KCND3: variants seen among roughly 807,000 people sequenced by gnomAD.
The protein encoded by KCND3 is A-type voltage-gated potassium channel KCND3.
In KCND3, 9 loss-of-function variants were observed where a neutral mutation model predicts 51.1. That is an observed-to-expected ratio of 0.18 (90% CI 0.11 to 0.31). KCND3 has a LOEUF of 0.31. KCND3 is among the 10% of genes least tolerant of loss of function. KCND3 has a pLI of 1.00. For synonymous variants in KCND3, 349 were observed against 368.0 expected, an observed-to-expected ratio of 0.95 and a Z score of 0.59; for missense variants, 526 against 903.8, an observed-to-expected ratio of 0.58 and a Z score of 5.36.
intron 1 of KCND3, among the ~76,000 whole-genome samples, chr1:111,987,664 A>T (rs1223985823): frequency 6.6e-6 from 1 of 152,204 alleles, no homozygotes; most frequent in East Asian, 1.9e-4. Context: ...ACAGGAGCCA[A>T]CACCTTCCGG....
chr1:111,947,004 C>G (rs903309648), intron 2 of KCND3, among the ~76,000 whole-genome samples: 1 of 152,092 alleles, frequency 6.6e-6, no homozygotes, highest in East Asian at 1.9e-4. Flanking sequence ...GTCTGAGTAT[C>G]CTTTAAGGTG....
chr1:111,829,955 A>G (rs1052401122), intron 2 of KCND3, among the ~76,000 whole-genome samples: 1 of 150,936 alleles, frequency 6.6e-6, no homozygotes, highest in Non-Finnish European at 1.5e-5. Context: ...GTTCTCGCCT[A>G]CTCCATTTCT....
rs147949523 is a variant in KCND3, at chr1:111,772,166, T to A, written c.*3911A>T. The A allele has an allele frequency of 1.2e-4, 19 of 152,344 alleles. No individual in the cohort carries two copies. The East Asian group carries it at 3.5e-3, about 28-fold the overall frequency. The allele number at this position is 152,344 out of a possible 1,614,324, so 9.4% of individuals were successfully genotyped here. ...CCCCTCTCTGAATCAAGGATTTAGC[T>A]ACTTTACCTACTACCATCACAGACT... On this transcript the variant is annotated 3_prime_UTR_variant, in exon 8 of 8. Coordinates refer to ENST00000302127, the MANE Select transcript of KCND3 (RefSeq NM_001378969.1).
At chr1:111,837,776 C>A (rs901646603) in intron 2 of KCND3, among the ~76,000 whole-genome samples, 3 of 152,136 alleles carry the variant, frequency 2.0e-5, no homozygotes, top group East Asian at 1.9e-4. Context: ...GATGCCCCCC[C>A]TCGAAAAACA....
chr1:111,793,945 G>A (rs1381497885), intron 2 of KCND3, among the ~76,000 whole-genome samples: 3 of 152,202 alleles, frequency 2.0e-5, no homozygotes, highest in Non-Finnish European at 4.4e-5. Context: ...GGGATAGTAA[G>A]GGACGAGAAA....
In KCND3 at chr1:111,894,244, C is replaced by T. The variant is rs534763639; in HGVS notation, c.1106+87377G>A. ...ACGGCCTCCCTCCTTCTCTCAAACA[C>T]GCCAGGCTCATTCCCATTATGAGGC... is the stretch of plus-strand genomic sequence containing the variant. On this transcript the variant is annotated intron_variant, in intron 2 of 7. Transcript: ENST00000302127. Among the ~76,000 whole-genome samples the T allele has an allele frequency of 1.8e-4, 27 of 152,294 alleles. No individual in the cohort carries two copies. In the South Asian group the frequency reaches 3.1e-3, roughly 18 times the overall value.
rs184017654 is a variant in KCND3 at position 111,982,013 on chromosome 1, G to A, written c.714C>T (p.Thr238=). The change falls in exon 2 of 8, where the codon ACC becomes ACT. Residue 238 remains threonine, a synonymous_variant. Coordinates refer to ENST00000302127, the MANE Select transcript of KCND3 (RefSeq NM_001378969.1). The surrounding 1 kb of genome is among the most constrained non-coding windows in gnomAD (Gnocchi z 8.5). ...CLDTACVMIF[T]VEYLLRLFAA... is the part of the protein sequence containing the mutation. ...CGAAGAGCCGCAGGAGGTACTCCAC[G>A]GTGAAGATCATGACGCACGCCGTGT... 5 of 1,613,890 alleles carry A rather than the reference G, an allele frequency of 3.1e-6. No individual in the cohort carries two copies. The highest frequency in any genetic ancestry group is 1.3e-5 in the African/African-American group (1 of 75,006).
chr1:111,868,468 A>G (rs1368133751), intron 2 of KCND3, among the ~76,000 whole-genome samples: 1 of 152,228 alleles, frequency 6.6e-6, no homozygotes, highest in East Asian at 1.9e-4. Context: ...ATGTATGCAT[A>G]GGAAAATCAT....
intron 2 of KCND3, among the ~76,000 whole-genome samples, chr1:111,956,322 T>G (rs1673338377): frequency 6.6e-6 from 1 of 152,180 alleles, no homozygotes; most frequent in African/African-American, 2.4e-5. Context: ...ACGTCATCAG[T>G]GCTCCCGCCA....
chr1:111,862,019 A>G (rs1668358784), intron 2 of KCND3, among the ~76,000 whole-genome samples: 1 of 151,980 alleles, frequency 6.6e-6, no homozygotes, highest in Non-Finnish European at 1.5e-5. Context: ...GGCTAAACAG[A>G]CTCCCTAAAG....
intron 2 of KCND3, among the ~76,000 whole-genome samples, chr1:111,837,804 C>T (rs980854846): frequency 1.6e-4 from 25 of 152,176 alleles, no homozygotes; most frequent in Non-Finnish European, 2.8e-4. Flanking sequence ...ACTACCCTCG[C>T]CCCTCTAGAT....
intron 2 of KCND3, among the ~76,000 whole-genome samples, chr1:111,967,530 G>T (rs1047063894): frequency 6.6e-6 from 1 of 152,160 alleles, no homozygotes; most frequent in Non-Finnish European, 1.5e-5. Flanking sequence ...CCCTGTTCAC[G>T]CACCCTGGAG....
At chr1:111,826,618 TCA>T (rs1375992638) in intron 2 of KCND3, among the ~76,000 whole-genome samples, 1 of 152,196 alleles carries the variant, frequency 6.6e-6, no homozygotes, top group Non-Finnish European at 1.5e-5. Flanking sequence ...AAGAGGTCAC[TCA>T]CAGGTGGTTT....
chr1:111,950,093 T>G (rs1189132183), intron 2 of KCND3, among the ~76,000 whole-genome samples: 1 of 152,142 alleles, frequency 6.6e-6, no homozygotes, highest in East Asian at 1.9e-4. Flanking sequence ...GTATTTTCAG[T>G]AGAGACGGGG....
At chr1:111,973,945 C>T (rs1427924873) in intron 2 of KCND3, among the ~76,000 whole-genome samples, 1 of 152,148 alleles carries the variant, frequency 6.6e-6, no homozygotes, top group African/African-American at 2.4e-5. Context: ...TATGAGGTGG[C>T]ACTTATATTA....
intron 2 of KCND3, among the ~76,000 whole-genome samples, chr1:111,955,234 C>A (rs1204824043): frequency 1.3e-5 from 2 of 152,186 alleles, no homozygotes; most frequent in Non-Finnish European, 2.9e-5. Flanking sequence ...CATAGCAAGA[C>A]CCTGTCTCCA....
intron 2 of KCND3, among the ~76,000 whole-genome samples, chr1:111,880,927 A>T (rs1669275468): frequency 6.6e-6 from 1 of 151,954 alleles, no homozygotes; most frequent in South Asian, 2.1e-4. Flanking sequence ...AGCCCCCTCC[A>T]CTTGCTAGCC....
intron 2 of KCND3, among the ~76,000 whole-genome samples, chr1:111,892,894 C>G (rs1457719308): frequency 6.6e-6 from 1 of 152,118 alleles, no homozygotes; most frequent in Non-Finnish European, 1.5e-5. Context: ...AACAGGGAGC[C>G]CAAGGGCTGA....
At chr1:111,828,969 C>T (rs1666705271) in intron 2 of KCND3, among the ~76,000 whole-genome samples, 1 of 152,192 alleles carries the variant, frequency 6.6e-6, no homozygotes. Flanking sequence ...CTGCCTTTCT[C>T]AGTAAACCCA....
Sources: allele counts gnomAD v4.1 joint callset (sites outside exome capture counted in the v4.1 genomes callset), GRCh38; gene constraint gnomAD v4.1.1; non-coding constraint Gnocchi (gnomAD v3.1); transcripts MANE v1.5; gene names NCBI Gene and HGNC (gene_info 2026-07-23, HGNC 2026-07-21).